GRB7: variants seen among roughly 807,000 people sequenced by gnomAD.
GRB7 encodes the protein growth factor receptor bound protein 7.
Under a neutral mutation model 64.1 loss-of-function variants are expected in GRB7, and 47 were observed. That is an observed-to-expected ratio of 0.73 (90% CI 0.58 to 0.94). The LOEUF is 0.94. GRB7 is among the 40% of genes least tolerant of loss of function. The probability of loss-of-function intolerance (pLI) is 0.00; values close to 1 mark genes in which losing one functional copy is unlikely to be tolerated. For synonymous variants in GRB7, 277 were observed against 279.9 expected (o/e 0.99, Z 0.10); for missense variants, 634 against 718.4 (o/e 0.88, Z 1.34).
rs201421622 is a variant in GRB7, at chr17:39,745,476, C to A, written c.1147C>A (p.Arg383Ser). 4.3e-6 allele frequency: 7 copies of A among 1,614,062 alleles called. No individual in the cohort carries two copies. The highest frequency in any genetic ancestry group is 3.3e-5 in the South Asian group (3 of 91,078). Reference protein sequence around the residue: ...VAMDFSGHAGRVIENPREALS... With the variant: ...VAMDFSGHAGSVIENPREALS... ...CATGGACTTCTCTGGCCATGCTGGG[C>A]GTGTCATTGAGAACCCCCGGGAGGC... The change falls in exon 11 of 15, where the codon CGT becomes AGT. Residue 383 changes from arginine (R) to serine (S), a missense_variant. Physicochemically the swap from Arg to Ser is moderately radical, Grantham distance 110. Coordinates refer to ENST00000309156, the MANE Select transcript of GRB7 (RefSeq NM_005310.5).
In GRB7 at chr17:39,745,914, C is replaced by A. The variant is rs1158238984; in HGVS notation, c.1272C>A (p.Ala424=). The A allele has an allele frequency of 3.7e-6, 6 of 1,614,006 alleles. No individual in the cohort carries two copies. The highest frequency in any genetic ancestry group is 5.1e-6 in the Non-Finnish European group (6 of 1,179,906). The stretch of plus-strand genomic sequence containing the variant: ...CGCCCATGTCCTTCCCCACCACAGC[C>A]ATCCACCGCACCCAACTCTGGTTCC... ...MPASGTSLSA[A]IHRTQLWFHG... is the part of the protein sequence containing the mutation. Residue 424 remains alanine, a splice_region_variant and synonymous_variant, in exon 13 of 15, where the codon GCC becomes GCA. Transcript: ENST00000309156.
intron 14 of GRB7, 104 bp from the exon 15 acceptor site, chr17:39,746,630 GAAAGAAAAAGAAAAAGA>G (rs2060048967): frequency 6.0e-6 from 7 of 1,170,984 alleles, no homozygotes; most frequent in Non-Finnish European, 7.1e-6. Flanking sequence ...AAAAAAAAAA[GAAAGAAAAAGAAAAAGA>G]AAAAAGAAAA....
At position 39,745,783 on chromosome 17, in the gene GRB7, G is replaced by T. The variant is rs769379683; in HGVS notation, c.1265G>T (p.Ser422Ile). ...LPMPASGTSLSAAIHRTQLWF... is the reference protein window; with the variant it reads ...LPMPASGTSLIAAIHRTQLWF... ...ATGCCAGCCTCCGGCACGAGCCTCA[G>T]TGCAGGTGGGTGACGGCCCCGAGTC... Residue 422 changes from serine to isoleucine, a missense_variant, in exon 12 of 15, where the codon AGT (serine) becomes ATT (isoleucine). By Grantham distance (142) the Ser-to-Ile change is moderately radical. Coordinates refer to ENST00000309156, the MANE Select transcript of GRB7 (RefSeq NM_005310.5). 1.8e-5 allele frequency: 29 copies of T among 1,613,930 alleles called. No individual in the cohort carries two copies. In the Admixed American group the frequency reaches 2.7e-4, roughly 15 times the overall value.
intron 1 of GRB7, 112 bp from the exon 2 acceptor site, chr17:39,742,140 G>A: frequency 1.4e-6 from 1 of 737,696 alleles, no homozygotes. Flanking sequence ...CCTTCCCCAA[G>A]GGCTTCAGGG....
rs368622817 is a variant in GRB7, at chr17:39,746,219, C to A, written c.1452+17C>A. ...ATCCTGCCGGTGAGCTTCCCTGCGT[C>A]CCCGGAGTCCTGCAATGAGACACAG... is the stretch of plus-strand genomic sequence containing the variant. On this transcript the variant is annotated intron_variant, in intron 14 of 14. Coordinates refer to ENST00000309156, the MANE Select transcript of GRB7 (RefSeq NM_005310.5). 6 of 1,602,368 alleles carry A rather than the reference C, an allele frequency of 3.7e-6. No individual in the cohort carries two copies. The East Asian group carries it at 1.3e-4, about 36-fold the overall frequency.
chr17:39,740,573 T>G (rs570674410), intron 1 of GRB7, among the ~76,000 whole-genome samples: 83 of 152,138 alleles, frequency 5.5e-4, no homozygotes, highest in Middle Eastern at 6.8e-3. Flanking sequence ...TGAGAGCAGA[T>G]CGTAGGTCCC....
intron 14 of GRB7, 72 bp from the exon 15 acceptor site, chr17:39,746,679 C>A: frequency 6.6e-7 from 1 of 1,516,510 alleles, no homozygotes; most frequent in Non-Finnish European, 9.0e-7. Flanking sequence ...AATGGTGGGG[C>A]CCTGGCCCAG....
chr17:39,745,797 C>T lies in GRB7; in HGVS notation c.1270+9C>T, dbSNP rs768947555. ...CACGAGCCTCAGTGCAGGTGGGTGA[C>T]GGCCCCGAGTCCTGGGGCGGGGGCT... On this transcript the variant is annotated intron_variant, in intron 12 of 14. Transcript: ENST00000309156. The T allele has an allele frequency of 3.5e-5, 56 of 1,613,792 alleles. No homozygotes were observed. Among genetic ancestry groups the T allele is most frequent in the Admixed American group, 3.3e-4 (20 of 60,010 alleles).
rs202150032 is a variant in GRB7, at chr17:39,743,238, C to T, written c.522C>T (p.Gly174=). 35 of 1,614,042 alleles carry T rather than the reference C, an allele frequency of 2.2e-5. No individual in the cohort carries two copies. In the African/African-American group the frequency reaches 3.1e-4, roughly 14 times the overall value. ...VVEVQAAWPV[G]GDSRFVFRKN... ...AAGTGCAGGCTGCCTGGCCCGTGGGCGGAGATAGCCGCTTCGTCTTCCGGA... is the reference window on the plus strand; with the variant it reads ...AAGTGCAGGCTGCCTGGCCCGTGGGTGGAGATAGCCGCTTCGTCTTCCGGA... Residue 174 remains glycine (G), a synonymous_variant, in exon 5 of 15, where the codon GGC becomes GGT. Coordinates refer to ENST00000309156, the MANE Select transcript of GRB7 (RefSeq NM_005310.5).
chr17:39,743,974 G>C, intron 6 of GRB7, 96 bp from the exon 7 acceptor site: 4 of 1,512,730 alleles, frequency 2.6e-6, no homozygotes, highest in Non-Finnish European at 3.6e-6. Flanking sequence ...ATGAGACCCT[G>C]TCTCAAAAAG....
chr17:39,744,028 G>A, intron 6 of GRB7, 42 bp from the exon 7 acceptor site: 1 of 1,604,530 alleles, frequency 6.2e-7, no homozygotes. Flanking sequence ...GGGAAGGGAG[G>A]AGGTCAGACC....
At position 39,744,197 on chromosome 17, in the gene GRB7, G is replaced by T. The variant is rs375806905; in HGVS notation, c.791G>T (p.Gly264Val). The T allele has an allele frequency of 2.5e-6, 4 of 1,613,738 alleles. No homozygotes were observed. In the East Asian group the frequency reaches 8.9e-5, roughly 36 times the overall value. Residue 264 changes from glycine to valine, a missense_variant, in exon 7 of 15, where the codon GGC becomes GTC. Physicochemically the swap from Gly to Val is moderately radical, Grantham distance 109. Around this residue, in one of 2 missense-constraint regions of GRB7, gnomAD observed 467 missense variants for 576.6 expected, o/e 0.81. Coordinates refer to ENST00000309156, the MANE Select transcript of GRB7 (RefSeq NM_005310.5). ...TCTGGCCTCTATTACTCCACCAAGGGCACCTCTAAGGTAAGGTCTTGAGGG... is the reference window on the plus strand; with the variant it reads ...TCTGGCCTCTATTACTCCACCAAGGTCACCTCTAAGGTAAGGTCTTGAGGG... The part of the protein sequence containing the change: ...RRSGLYYSTK[G>V]TSKDPRHLQY...
intron 14 of GRB7, 55 bp from the exon 15 acceptor site, chr17:39,746,696 G>C: frequency 6.3e-7 from 1 of 1,585,472 alleles, no homozygotes; most frequent in Non-Finnish European, 8.6e-7. Flanking sequence ...CCAGGAGGGA[G>C]CTTCCCAAGC....
intron 1 of GRB7, among the ~76,000 whole-genome samples, chr17:39,739,513 C>T (rs553462564): frequency 6.6e-6 from 1 of 152,348 alleles, no homozygotes; most frequent in African/African-American, 2.4e-5. Flanking sequence ...GCGTGGAGTA[C>T]TGGGCGGACG....
chr17:39,746,767 G>A lies in GRB7; in HGVS notation c.1469G>A (p.Arg490His), dbSNP rs757265772. 2.5e-5 allele frequency: 40 copies of A among 1,613,934 alleles called. No individual in the cohort carries two copies. Among genetic ancestry groups the A allele is most frequent in the Middle Eastern group, 1.6e-4 (1 of 6,082 alleles). ...GTACCCCAGAGCGAGGAGGAGGGCC[G>A]CCTGTACTTCAGCATGGATGATGGC... is the stretch of plus-strand genomic sequence containing the variant. ...YLILPSEEEGRLYFSMDDGQT... is the reference protein window; with the variant it reads ...YLILPSEEEGHLYFSMDDGQT... The change falls in exon 15 of 15, where the codon CGC becomes CAC. Residue 490 changes from arginine to histidine, a missense_variant. Coordinates refer to ENST00000309156, the MANE Select transcript of GRB7 (RefSeq NM_005310.5).
At chr17:39,742,202 A>C in intron 1 of GRB7, 50 bp from the exon 2 acceptor site, 20 of 1,370,772 alleles carry the variant, frequency 1.5e-5, no homozygotes, top group Middle Eastern at 1.8e-4. Flanking sequence ...GGGCACCCTA[A>C]CCGCCGTGTG....
chr17:39,745,629 G>A (rs1341507286), intron 11 of GRB7, 91 bp downstream of exon 11: 3 of 1,557,096 alleles, frequency 1.9e-6, no homozygotes, highest in East Asian at 2.2e-5. Flanking sequence ...GAGGGCGGGG[G>A]GAGGCCCCTG....
intron 8 of GRB7, 79 bp from the exon 9 acceptor site, chr17:39,744,807 C>T (rs868110051): frequency 2.9e-6 from 4 of 1,384,760 alleles, no homozygotes; most frequent in Non-Finnish European, 4.1e-6. Context: ...CTCCTGGATT[C>T]AGCTCTGCTA....
chr17:39,745,033 C>T (rs2060031920), intron 9 of GRB7, 49 bp downstream of exon 9: 1 of 1,441,782 alleles, frequency 6.9e-7, no homozygotes, highest in African/African-American at 1.4e-5. Context: ...AGAGGGATCC[C>T]CAGCTCTGCC....
Sources: gnomAD v4.1 joint callset for allele counts (sites outside exome capture counted in the v4.1 genomes callset) on GRCh38, gnomAD v4.1.1 for gene constraint, gnomAD v4.1.1 regional missense constraint, MANE v1.5 for transcripts, NCBI Gene and HGNC (gene_info 2026-07-23, HGNC 2026-07-21) for gene names.